The following RAET1L variants were observed in gnomAD, a reference collection of about 807,000 sequenced individuals.
The protein encoded by RAET1L is retinoic acid early transcript 1L.
A neutral mutation model predicts 23.9 loss-of-function variants in RAET1L; 16 were observed. The observed-to-expected ratio is 0.67, with a 90% CI of 0.45 to 1.02. The LOEUF (loss-of-function observed/expected upper bound fraction) is 1.02, where lower values mean the gene tolerates loss of function less well. RAET1L is among the 50% of genes least tolerant of loss of function. RAET1L has a pLI of 0.00. For missense variants in RAET1L, 233 were observed against 304.0 expected, an observed-to-expected ratio of 0.77 and a Z score of 1.74; for synonymous variants, 70 against 111.2, an observed-to-expected ratio of 0.63 and a Z score of 2.33.
rs1406196509 is a variant in RAET1L at position 150,022,744 on chromosome 6, T to C, written c.86-501A>G. On this transcript the variant is annotated intron_variant, in intron 1 of 4. Coordinates refer to ENST00000367341, the MANE Select transcript of RAET1L (RefSeq NM_130900.3). ...TGTAACATGTTGGCAAAGCCCCTGG[T>C]GATGGCATGCATCTGCTATGAGGAG... 1.7e-5 allele frequency among the ~76,000 whole-genome samples: 2 copies of C among 119,648 alleles called. 1 individual carries two copies. Among genetic ancestry groups the C allele is most frequent in the African/African-American group, 6.0e-5 (2 of 33,380 alleles). 78.5% of individuals were successfully genotyped at this position (119,648 alleles called of 152,430 possible).
At chr6:150,024,351 A>G (rs1779921830) in intron 1 of RAET1L, among the ~76,000 whole-genome samples, 1 of 152,168 alleles carries the variant, frequency 6.6e-6, no homozygotes, top group Non-Finnish European at 1.5e-5. Flanking sequence ...TCAGCAACCT[A>G]GGACAGGGTC....
In RAET1L at chr6:150,019,594, C is replaced by T. The variant is rs190898397; in HGVS notation, c.*22+514G>A. Among the ~76,000 whole-genome samples the T allele has an allele frequency of 7.0e-4, 67 of 96,308 alleles. 1 individual carries two copies. Among genetic ancestry groups the T allele is most frequent in the Admixed American group, 1.8e-3 (19 of 10,438 alleles). 63.2% of individuals were successfully genotyped at this position (96,308 alleles called of 152,430 possible). ...TACTTTCTGTGGGAAGGCAGCCCTGCACTCCCTCCTTTTCAATTAGGTGTA... is the reference window on the plus strand; with the variant it reads ...TACTTTCTGTGGGAAGGCAGCCCTGTACTCCCTCCTTTTCAATTAGGTGTA... On this transcript the variant is annotated intron_variant, in intron 4 of 4. Transcript: ENST00000367341.
rs751581672 is a variant in RAET1L at position 150,020,987 on chromosome 6, A to G, written c.549T>C (p.His183=). 3 of 1,614,146 alleles carry G rather than the reference A, an allele frequency of 1.9e-6. No individual in the cohort carries two copies. The highest frequency in any genetic ancestry group is 2.5e-6 in the Non-Finnish European group (3 of 1,180,030). The change falls in exon 3 of 5, where the codon CAT becomes CAC. Residue 183 remains histidine (H), a synonymous_variant. Coordinates refer to ENST00000367341, the MANE Select transcript of RAET1L (RefSeq NM_130900.3). ...CTATGCAGTCTCCCATTGAGATGTAATGGAAGGACATGGCCACATCCTTGT... is the reference window on the plus strand; with the variant it reads ...CTATGCAGTCTCCCATTGAGATGTAGTGGAAGGACATGGCCACATCCTTGT... ...ENDKDVAMSF[H]YISMGDCIGW...
At position 150,018,535 on chromosome 6, in the gene RAET1L, A is replaced by C. The variant is rs1353187774; in HGVS notation, c.*343T>G. ...TCAGTAATGAAAGAAAGAAATCATCATTCAAAGAAGTACTTGATTTTCCAA... is the reference window on the plus strand; with the variant it reads ...TCAGTAATGAAAGAAAGAAATCATCCTTCAAAGAAGTACTTGATTTTCCAA... On this transcript the variant is annotated 3_prime_UTR_variant, in exon 5 of 5. Transcript: ENST00000367341. The C allele has an allele frequency of 6.6e-6, 1 of 152,338 alleles. No homozygotes were observed. The highest frequency in any genetic ancestry group is 2.4e-5 in the African/African-American group (1 of 41,474). 9.4% of individuals were successfully genotyped at this position (152,338 alleles called of 1,614,324 possible).
intron 1 of RAET1L, among the ~76,000 whole-genome samples, chr6:150,024,776 G>T (rs892919723): frequency 1.3e-5 from 2 of 152,132 alleles, no homozygotes; most frequent in Non-Finnish European, 2.9e-5. Flanking sequence ...CCTCAGGGGT[G>T]ACCAGCTGGG....
At chr6:150,024,851 G>A (rs576865717) in intron 1 of RAET1L, among the ~76,000 whole-genome samples, 6 of 152,216 alleles carry the variant, frequency 3.9e-5, no homozygotes, top group African/African-American at 9.6e-5. Context: ...GAGGGGTGGC[G>A]GGTATCTGCT....
At position 150,025,500 on chromosome 6, in the gene RAET1L, A is replaced by G. The variant is rs1775878867; in HGVS notation, c.-29T>C. 2 of 1,583,140 alleles carry G rather than the reference A, an allele frequency of 1.3e-6. No homozygotes were observed. Among genetic ancestry groups the G allele is most frequent in the East Asian group, 4.5e-5 (2 of 44,634 alleles). On this transcript the variant is annotated 5_prime_UTR_variant, in exon 1 of 5. Coordinates refer to ENST00000367341, the MANE Select transcript of RAET1L (RefSeq NM_130900.3). ...GGACCAGGAGGGCTGGGGACAAGAG[A>G]TTTAATCAAGGTGGATCCTGGAAGA...
intron 1 of RAET1L, among the ~76,000 whole-genome samples, chr6:150,024,427 G>A (rs1463221448): frequency 6.6e-6 from 1 of 152,112 alleles, no homozygotes; most frequent in African/African-American, 2.4e-5. Context: ...GGACAGGACT[G>A]GACACAGAGA....
intron 1 of RAET1L, among the ~76,000 whole-genome samples, chr6:150,024,332 G>A (rs570771881): frequency 6.6e-6 from 1 of 152,140 alleles, no homozygotes; most frequent in Non-Finnish European, 1.5e-5. Context: ...GTAATCCCCT[G>A]ATCTGGGATC....
chr6:150,022,015 A>T lies in RAET1L; in HGVS notation c.314T>A (p.Leu105Gln). ...GTAATTCTCCAGCTGAATGTCAAGC[A>T]GTTGCTCTGTAAGTATGTCCACCAC... Reference protein sequence around the residue: ...REVVDILTEQLLDIQLENYTP... With the variant: ...REVVDILTEQQLDIQLENYTP... Residue 105 changes from leucine to glutamine, a missense_variant, in exon 2 of 5, where the codon CTG becomes CAG. Physicochemically the swap from Leu to Gln is moderately radical, Grantham distance 113 (BLOSUM62 -2). Coordinates refer to ENST00000367341, the MANE Select transcript of RAET1L (RefSeq NM_130900.3). The T allele has an allele frequency of 1.4e-6, 2 of 1,419,082 alleles. No individual in the cohort carries two copies. The highest frequency in any genetic ancestry group is 2.0e-6 in the Non-Finnish European group (2 of 1,011,448). The allele number at this position is 1,419,082 out of a possible 1,614,324, so 87.9% of individuals were successfully genotyped here.
intron 3 of RAET1L, 115 bp downstream of exon 3, chr6:150,020,790 T>C (rs1239512268): frequency 3.3e-6 from 5 of 1,527,306 alleles, no homozygotes; most frequent in Non-Finnish European, 4.4e-6. Context: ...GACGAGGAGG[T>C]CATTTTAACA....
chr6:150,025,339 C>T, intron 1 of RAET1L, 48 bp downstream of exon 1: 3 of 1,514,844 alleles, frequency 2.0e-6, no homozygotes, highest in Non-Finnish European at 2.7e-6. Flanking sequence ...AGTCCACAGT[C>T]CCTCAGGTTT....
chr6:150,023,801 C>T (rs1027921399), intron 1 of RAET1L, among the ~76,000 whole-genome samples: 24 of 152,194 alleles, frequency 1.6e-4, no homozygotes, highest in African/African-American at 5.6e-4. Context: ...TAAGCAGTGG[C>T]TCCTGTAGAG....
At chr6:150,021,531 C>T (rs1284888404) in intron 2 of RAET1L, among the ~76,000 whole-genome samples, 1 of 146,218 alleles carries the variant, frequency 6.8e-6, no homozygotes, top group South Asian at 2.3e-4. Context: ...GATCTCTTGA[C>T]CTTGTGATCC....
rs1363752397 is a variant in RAET1L, at chr6:150,020,909, T to G, written c.627A>C (p.Ala209=). ...CGTTTCTTTTTCTCCTGTTACCTCC[T>G]GCACTTGGCTCCAGGGTGCTGTCCA... The part of the protein sequence containing the change: ...MGMDSTLEPS[A]GAPLAMSSGT... The change falls in exon 3 of 5, where the codon GCA becomes GCC. Residue 209 remains alanine (A), a synonymous_variant. Coordinates refer to ENST00000367341, the MANE Select transcript of RAET1L (RefSeq NM_130900.3). The G allele has an allele frequency of 2.5e-6, 4 of 1,614,104 alleles. No individual in the cohort carries two copies. The highest frequency in any genetic ancestry group is 3.4e-6 in the Non-Finnish European group (4 of 1,179,972).
intron 1 of RAET1L, among the ~76,000 whole-genome samples, chr6:150,025,054 C>T (rs1321711896): frequency 2.6e-5 from 4 of 151,960 alleles, no homozygotes; most frequent in South Asian, 2.1e-4. Flanking sequence ...GCTCTGTTCC[C>T]GGGGGGGCTC....
rs191474447 is a variant in RAET1L, at chr6:150,023,866, T to A, written c.85+1521A>T. Among the ~76,000 whole-genome samples the A allele has an allele frequency of 3.2e-3, 491 of 152,288 alleles. 2 individuals carry two copies. Among genetic ancestry groups the A allele is most frequent in the African/African-American group, 0.011 (442 of 41,568 alleles). On this transcript the variant is annotated intron_variant, in intron 1 of 4. Coordinates refer to ENST00000367341, the MANE Select transcript of RAET1L (RefSeq NM_130900.3). ...TGCCATGCATATAAAGAAGGCCCCA[T>A]GACAAGGCACCAGAATGGAATGAAG...
intron 2 of RAET1L, among the ~76,000 whole-genome samples, 188 bp from the exon 3 acceptor site, chr6:150,021,374 AC>A (rs1325260983): frequency 7.4e-6 from 1 of 135,404 alleles, no homozygotes; most frequent in Non-Finnish European, 1.6e-5. Flanking sequence ...TCGCTCTGTC[AC>A]CCAGGCTGGA....
chr6:150,021,444 C>T (rs1397104804), intron 2 of RAET1L, among the ~76,000 whole-genome samples: 3 of 134,402 alleles, frequency 2.2e-5, no homozygotes, highest in African/African-American at 5.4e-5. Context: ...GGACTACAGG[C>T]GCCCGCCACC....
Sources: allele counts gnomAD v4.1 joint callset (sites outside exome capture counted in the v4.1 genomes callset), GRCh38; gene constraint gnomAD v4.1.1; transcripts MANE v1.5; gene names NCBI Gene and HGNC (gene_info 2026-07-23, HGNC 2026-07-21).